Variants in THOP1 observed in about 807,000 individuals in gnomAD.
THOP1 encodes thimet oligopeptidase.
Under a neutral mutation model 71.8 loss-of-function variants are expected in THOP1, and 49 were observed. The observed-to-expected ratio is 0.68, with a 90% CI of 0.54 to 0.87. The LOEUF is 0.87. Ranked by LOEUF, THOP1 falls within the 40% of genes least tolerant of loss-of-function variation. The pLI, the probability that THOP1 is intolerant of heterozygous loss-of-function variation, is 0.00. For missense variants in THOP1, 843 were observed against 975.6 expected, an observed-to-expected ratio of 0.86 and a Z score of 1.81; for synonymous variants, 426 against 421.5, an observed-to-expected ratio of 1.01 and a Z score of -0.13.
In THOP1 at chr19:2,813,604, G is replaced by A. The variant is rs1271867489; in HGVS notation, c.*328G>A. 1.0e-5 allele frequency: 3 copies of A among 289,706 alleles called. No individual in the cohort carries two copies. The highest frequency in any genetic ancestry group is 4.7e-5 in the Admixed American group (1 of 21,460). The allele number at this position is 289,706 out of a possible 1,614,324, so 17.9% of individuals were successfully genotyped here. On this transcript the variant is annotated 3_prime_UTR_variant, in exon 13 of 13. Coordinates refer to ENST00000307741, the MANE Select transcript of THOP1 (RefSeq NM_003249.5). The stretch of plus-strand genomic sequence containing the variant: ...TTAAAAGGAAACAGAAAAAGAGAGA[G>A]GCTCCCTGGCCTGGTCACTGGCTCC...
At position 2,796,065 on chromosome 19, in the gene THOP1, G is replaced by A. The variant is rs747664606; in HGVS notation, c.379-16G>A. ...CACTGGCCCACGTCCTACATGCTTT[G>A]ATGTTTTTATTCCAGGAGAAAGTTC... On this transcript the variant is annotated splice_polypyrimidine_tract_variant and intron_variant, in intron 3 of 12. Transcript: ENST00000307741. 1.2e-6 allele frequency: 2 copies of A among 1,607,478 alleles called. No homozygotes were observed. The highest frequency in any genetic ancestry group is 4.5e-5 in the East Asian group (2 of 44,804).
intron 2 of THOP1, among the ~76,000 whole-genome samples, chr19:2,794,171 C>T (rs1191901172): frequency 2.6e-5 from 4 of 152,034 alleles, no homozygotes; most frequent in East Asian, 1.9e-4. Context: ...CGCGCCACCA[C>T]GCCTGGCTAA....
At chr19:2,811,101 G>A (rs542664070) in intron 11 of THOP1, among the ~76,000 whole-genome samples, 1 of 152,358 alleles carries the variant, frequency 6.6e-6, no homozygotes, top group African/African-American at 2.4e-5. Context: ...AGGAATTTCC[G>A]ATCCTAATGA....
intron 1 of THOP1, 112 bp from the exon 2 acceptor site, chr19:2,790,309 A>C (rs1174924037): frequency 1.9e-6 from 2 of 1,037,418 alleles, no homozygotes; most frequent in Non-Finnish European, 2.7e-6. Context: ...CCTGGACCTC[A>C]CTCTTCTGGA....
At position 2,805,233 on chromosome 19, in the gene THOP1, G is replaced by A. The variant is rs773021830; in HGVS notation, c.750+57G>A. On this transcript the variant is annotated intron_variant, in intron 6 of 12. Coordinates refer to ENST00000307741, the MANE Select transcript of THOP1 (RefSeq NM_003249.5). This position sits in a 1 kb window ranked among gnomAD's most constrained non-coding sequence, Gnocchi z 6.6. ...AGTGGGTCTGGAGCTTGTGGGGCCC[G>A]TCTGCTCCATGTGTGTGAGGCACCT... 13 of 1,547,568 alleles carry A rather than the reference G, an allele frequency of 8.4e-6. No individual in the cohort carries two copies. The highest frequency in any genetic ancestry group is 2.7e-5 in the African/African-American group (2 of 73,478).
chr19:2,813,056 G>T, intron 12 of THOP1, 59 bp from the exon 13 acceptor site: 4 of 1,532,552 alleles, frequency 2.6e-6, no homozygotes, highest in East Asian at 2.4e-5. Flanking sequence ...AGACTCCTGG[G>T]GTCCTCTGCC....
At chr19:2,794,032 T>G (rs924689383) in intron 2 of THOP1, among the ~76,000 whole-genome samples, 65 of 151,154 alleles carry the variant, frequency 4.3e-4, no homozygotes, top group Non-Finnish European at 7.4e-5. Flanking sequence ...TTTTCTTTTT[T>G]GAGATGGAGC....
At position 2,811,644 on chromosome 19, in the gene THOP1, C is replaced by T. The variant is rs143348640; in HGVS notation, c.1818C>T (p.Asp606=). Residue 606 remains aspartate, a synonymous_variant, in exon 12 of 13, where the codon GAC becomes GAT. Coordinates refer to ENST00000307741, the MANE Select transcript of THOP1 (RefSeq NM_003249.5). The part of the protein sequence containing the change: ...ATFGHLAGGY[D]AQYYGYLWSE... ...TCGGCCATCTGGCAGGTGGCTACGA[C>T]GCCCAGTACTACGGGTACCTGTGGA... The T allele has an allele frequency of 9.2e-4, 1,487 of 1,613,408 alleles. 1 individual carries two copies. The highest frequency in any genetic ancestry group is 1.1e-3 in the Non-Finnish European group (1,302 of 1,179,936).
intron 5 of THOP1, 105 bp downstream of exon 5, chr19:2,799,896 G>C (rs937635822): frequency 9.3e-7 from 1 of 1,071,086 alleles, no homozygotes; most frequent in East Asian, 2.4e-5. Flanking sequence ...CTTCTGTGCT[G>C]AAGGGCGGCG....
chr19:2,806,319 T>C (rs1916291468), intron 6 of THOP1: 1 of 152,994 alleles, frequency 6.5e-6, no homozygotes, highest in South Asian at 2.0e-4. Flanking sequence ...CCGGGGGATG[T>C]GCCGCCTCAG....
At position 2,810,379 on chromosome 19, in the gene THOP1, T is replaced by G. The variant is rs1351624085; in HGVS notation, c.1531T>G (p.Trp511Gly). 1 of 1,611,242 alleles carries G rather than the reference T, an allele frequency of 6.2e-7. No homozygotes were observed. The highest frequency in any genetic ancestry group is 1.3e-5 in the African/African-American group (1 of 74,890). ...GGCGCCGTCGCAGATGCTGGAGAAC[T>G]GGGTGTGGGAGCAGGAGCCGCTGCT... is the stretch of plus-strand genomic sequence containing the variant. The part of the protein sequence containing the change: ...VEAPSQMLEN[W>G]VWEQEPLLRM... The change falls in exon 10 of 13, where the codon TGG becomes GGG. Residue 511 changes from tryptophan (W) to glycine (G), a missense_variant. By Grantham distance (184) the Trp-to-Gly change is radical. Coordinates refer to ENST00000307741, the MANE Select transcript of THOP1 (RefSeq NM_003249.5).
intron 2 of THOP1, among the ~76,000 whole-genome samples, chr19:2,790,963 T>C (rs1241047423): frequency 6.6e-6 from 1 of 152,232 alleles, no homozygotes; most frequent in Non-Finnish European, 1.5e-5. Context: ...AAAATATGTC[T>C]AAACAGCACG....
rs995858192 is a variant in THOP1 at position 2,785,736 on chromosome 19, G to C, written c.16+58G>C. On this transcript the variant is annotated intron_variant, in intron 1 of 12. Transcript: ENST00000307741. ...TCCCCTGCACCCTCGCTCCTCCCGGGGTCGCGACTTGGGCCTAAGGCTGGA... is the reference window on the plus strand; with the variant it reads ...TCCCCTGCACCCTCGCTCCTCCCGGCGTCGCGACTTGGGCCTAAGGCTGGA... 35 of 1,333,760 alleles carry C rather than the reference G, an allele frequency of 2.6e-5. No individual in the cohort carries two copies. The Middle Eastern group carries it at 6.0e-4, about 23-fold the overall frequency. The allele number at this position is 1,333,760 out of a possible 1,614,324, so 82.6% of individuals were successfully genotyped here.
chr19:2,794,838 G>A lies in THOP1; in HGVS notation c.304G>A (p.Asp102Asn), dbSNP rs779946739. 2.5e-5 allele frequency: 41 copies of A among 1,613,898 alleles called. No individual in the cohort carries two copies. The highest frequency in any genetic ancestry group is 8.8e-5 in the South Asian group (8 of 91,078). The change falls in exon 3 of 13, where the codon GAC (aspartate) becomes AAC (asparagine). Residue 102 changes from aspartate to asparagine, a missense_variant. Asp to Asn is a conservative substitution (Grantham distance 23). Coordinates refer to ENST00000307741, the MANE Select transcript of THOP1 (RefSeq NM_003249.5). The part of the protein sequence containing the change: ...KDIRTASTEA[D>N]KKLSEFDVEM... ...CATCCGGACAGCCAGCACAGAGGCC[G>A]ACAAGAAGCTCTCTGAGTTCGACGT... is the stretch of plus-strand genomic sequence containing the variant.
rs771059294 is a variant in THOP1, at chr19:2,807,016, A to G, written c.850A>G (p.Met284Val). 15 of 1,612,588 alleles carry G rather than the reference A, an allele frequency of 9.3e-6. No homozygotes were observed. Among genetic ancestry groups the G allele is most frequent in the South Asian group, 1.1e-5 (1 of 91,074 alleles). The change falls in exon 7 of 13, where the codon ATG becomes GTG. Residue 284 changes from methionine to valine, a missense_variant. Met to Val is a conservative substitution (Grantham distance 21). Transcript: ENST00000307741. ...THADYVLEMN[M>V]AKTSQTVATF... ...CGCCGACTATGTCCTGGAGATGAAC[A>G]TGGCCAAGACCAGCCAGACCGTGGC...
chr19:2,790,685 C>T (rs1915856216), intron 2 of THOP1, 52 bp downstream of exon 2: 14 of 1,460,194 alleles, frequency 9.6e-6, no homozygotes, highest in Non-Finnish European at 1.3e-5. Flanking sequence ...AGGGAGGTGG[C>T]ACCGCAGGCG....
chr19:2,807,075 C>G, intron 7 of THOP1, 23 bp downstream of exon 7: 1 of 1,597,278 alleles, frequency 6.3e-7, no homozygotes, highest in African/African-American at 1.3e-5. Flanking sequence ...TCCTCCTCCA[C>G]TGGGGTCCCT....
intron 1 of THOP1, among the ~76,000 whole-genome samples, chr19:2,788,211 A>G (rs1316093545): frequency 6.6e-6 from 1 of 152,174 alleles, no homozygotes; most frequent in African/African-American, 2.4e-5. Context: ...CCCGTTTTGC[A>G]GGTGGGAAGC....
At chr19:2,796,865 C>T (rs1916028537) in intron 4 of THOP1, among the ~76,000 whole-genome samples, 1 of 152,204 alleles carries the variant, frequency 6.6e-6, no homozygotes, top group African/African-American at 2.4e-5. Flanking sequence ...GGGAGCCCCT[C>T]CACCCACTGC....
Sources: gnomAD v4.1 joint callset for allele counts (sites outside exome capture counted in the v4.1 genomes callset) on GRCh38, gnomAD v4.1.1 for gene constraint, Gnocchi (gnomAD v3.1) non-coding constraint, MANE v1.5 for transcripts, NCBI Gene and HGNC (gene_info 2026-07-23, HGNC 2026-07-21) for gene names.